Variants in NAV1 observed in about 807,000 individuals in gnomAD.
NAV1 encodes pore membrane and/or filament interacting like protein 3.
In NAV1, 18 loss-of-function variants were observed where a neutral mutation model predicts 175.2. That is an observed-to-expected ratio of 0.10 (90% CI 0.07 to 0.15). The LOEUF is 0.15. NAV1 is among the 10% of genes least tolerant of loss of function. The pLI, the probability that NAV1 is intolerant of heterozygous loss-of-function variation, is 1.00. For missense variants in NAV1, 1,731 were observed against 2,436.6 expected (o/e 0.71, Z 6.10); for synonymous variants, 897 against 978.7 (o/e 0.92, Z 1.56).
chr1:201,625,978 C>T (rs1434159104), intron 1 of NAV1, among the ~76,000 whole-genome samples: 2 of 152,198 alleles, frequency 1.3e-5, no homozygotes, highest in Non-Finnish European at 2.9e-5. Context: ...GACCCTGCCC[C>T]TTTCAGTCTC....
rs79279582 is a variant in NAV1, at chr1:201,574,432, G to A, written c.-143-14107G>A. Among the ~76,000 whole-genome samples the A allele has an allele frequency of 4.1e-3, 628 of 152,232 alleles. 2 individuals are homozygous for A. The highest frequency in any genetic ancestry group is 6.8e-3 in the Non-Finnish European group (463 of 68,022). ...TGTGGGAAAGCACCAGGCAGAAGGA[G>A]CAGCATGAACCCAGCACTCGGAGTC... On this transcript the variant is annotated intron_variant, in intron 1 of 33. Coordinates refer to the NAV1 transcript ENST00000685211.
At chr1:201,823,184 T>C (rs1176585434) in exon 30 of NAV1, 1 of 152,642 alleles carries the variant, frequency 6.6e-6, no homozygotes, top group Non-Finnish European at 1.5e-5. Flanking sequence ...GAATTCAATA[T>C]CTAATGTCAA....
chr1:201,771,573 G>C lies in NAV1; in HGVS notation c.1227-8848G>C, dbSNP rs1675594344. Reference sequence around the variant, plus strand: ...CCAAACCTGGCTCTATGACAGGCTAGACTGACTCAGCTCTCAATCCTAGCA... The same window carrying C: ...CCAAACCTGGCTCTATGACAGGCTACACTGACTCAGCTCTCAATCCTAGCA... On this transcript the variant is annotated intron_variant, in intron 3 of 29. Coordinates refer to ENST00000367296, the Ensembl canonical transcript of NAV1. Among the ~76,000 whole-genome samples the C allele has an allele frequency of 1.3e-5, 2 of 150,830 alleles. 1 individual carries two copies. The highest frequency in any genetic ancestry group is 1.3e-4 in the Admixed American group (2 of 15,146).
At chr1:201,761,483 T>G (rs556636310) in intron 3 of NAV1, among the ~76,000 whole-genome samples, 1 of 152,316 alleles carries the variant, frequency 6.6e-6, no homozygotes, top group African/African-American at 2.4e-5. Flanking sequence ...GTAGTATGAA[T>G]TTGGGGCCTG....
chr1:201,569,268 C>T (rs1200865216), intron 1 of NAV1, among the ~76,000 whole-genome samples: 1 of 152,188 alleles, frequency 6.6e-6, no homozygotes, highest in African/African-American at 2.4e-5. Context: ...TGCAAGTCAG[C>T]CTGGCCACCT....
intron 3 of NAV1, among the ~76,000 whole-genome samples, chr1:201,758,076 A>G (rs1674626392): frequency 6.6e-6 from 1 of 152,180 alleles, no homozygotes; most frequent in Non-Finnish European, 1.5e-5. Context: ...TGAGGGATTG[A>G]TGTTTTGGAT....
intron 3 of NAV1, among the ~76,000 whole-genome samples, chr1:201,761,077 C>T (rs1485369985): frequency 6.6e-6 from 1 of 152,102 alleles, no homozygotes; most frequent in East Asian, 1.9e-4. Context: ...TGCCCTCTAT[C>T]TTGACTCAGG....
At chr1:201,700,856 A>G (rs1671388758) in intron 1 of NAV1, among the ~76,000 whole-genome samples, 1 of 151,682 alleles carries the variant, frequency 6.6e-6, no homozygotes, top group East Asian at 1.9e-4. Context: ...ATAAAAATAC[A>G]AAAAATTAGC....
intron 9 of NAV1, among the ~76,000 whole-genome samples, 157 bp downstream of exon 13, chr1:201,786,734 T>G (rs1676776525): frequency 6.6e-6 from 1 of 152,136 alleles, no homozygotes; most frequent in Non-Finnish European, 1.5e-5. Context: ...AAAGTAAGAT[T>G]GAAGGTAGAG....
chr1:201,643,561 G>A (rs1668879855), upstream of NAV1, among the ~76,000 whole-genome samples: 1 of 151,756 alleles, frequency 6.6e-6, no homozygotes, highest in Admixed American at 6.6e-5. Flanking sequence ...ACAGACATGT[G>A]CCACTATCGC....
At chr1:201,607,746 C>T (rs1667727020) in intron 2 of NAV1, among the ~76,000 whole-genome samples, 1 of 152,224 alleles carries the variant, frequency 6.6e-6, no homozygotes, top group Admixed American at 6.5e-5. Flanking sequence ...CCCACCTCGG[C>T]CTCCCAAAGT....
intron 1 of NAV1, among the ~76,000 whole-genome samples, chr1:201,693,469 A>G (rs148773867): frequency 1.1e-3 from 164 of 152,292 alleles, no homozygotes; most frequent in African/African-American, 3.8e-3. Flanking sequence ...GAGGGTGTGG[A>G]TGGAGCTACA....
intron 3 of NAV1, among the ~76,000 whole-genome samples, chr1:201,733,958 G>T (rs1672978388): frequency 6.6e-6 from 1 of 152,200 alleles, no homozygotes; most frequent in Admixed American, 6.5e-5. Context: ...GTTTTGCAAA[G>T]GGTCTGTCTG....
intron 1 of NAV1, among the ~76,000 whole-genome samples, chr1:201,712,452 G>A (rs141521998): frequency 1.3e-5 from 2 of 152,334 alleles, no homozygotes; most frequent in Non-Finnish European, 2.9e-5. Flanking sequence ...TCAGGCAGAT[G>A]TTCCAGCTCA....
At chr1:201,792,445 AG>A (rs1295709089) in intron 13 of NAV1, 1 of 152,284 alleles carries the variant, frequency 6.6e-6, no homozygotes, top group East Asian at 1.9e-4. Flanking sequence ...GTTGGGATTA[AG>A]GGAAGGGTCA....
In NAV1 at chr1:201,812,367, T is replaced by C. The variant is rs1486322315; in HGVS notation, c.5025-98T>C. The C allele has an allele frequency of 1.6e-6, 2 of 1,217,886 alleles. No individual in the cohort carries two copies. The highest frequency in any genetic ancestry group is 3.0e-5 in the African/African-American group (2 of 67,192). 75.4% of individuals were successfully genotyped at this position (1,217,886 alleles called of 1,614,324 possible). A position where few individuals can be genotyped will look rare whatever the true frequency, so the allele number is the denominator to read the frequency against. ...TGAAAAGAAACCAAGTAGGCATTAG[T>C]GAGAAGCAGGCAGAAGGAGGGACAG... is the stretch of plus-strand genomic sequence containing the variant. On this transcript the variant is annotated intron_variant, in intron 26 of 29. Transcript: ENST00000367296. The surrounding 1 kb of genome is among the most constrained non-coding windows in gnomAD (Gnocchi z 4.6).
chr1:201,800,528 A>G (rs2102777875), intron 15 of NAV1, among the ~76,000 whole-genome samples: 1 of 152,326 alleles, frequency 6.6e-6, no homozygotes, highest in Admixed American at 6.5e-5. Flanking sequence ...AGAACTGAGG[A>G]GTTGTGACCA....
At chr1:201,638,798 A>G (rs1177245920) in intron 2 of NAV1, among the ~76,000 whole-genome samples, 1 of 152,232 alleles carries the variant, frequency 6.6e-6, no homozygotes, top group African/African-American at 2.4e-5. Flanking sequence ...GATGAACATT[A>G]CATGTCTAAG....
intron 1 of NAV1, among the ~76,000 whole-genome samples, chr1:201,551,194 G>A (rs961141381): frequency 2.8e-4 from 42 of 152,210 alleles, no homozygotes; most frequent in African/African-American, 1.0e-3. Context: ...ACACTCCAGG[G>A]TCATGTATAG....
Sources: gnomAD v4.1 joint callset for allele counts (sites outside exome capture counted in the v4.1 genomes callset) on GRCh38, gnomAD v4.1.1 for gene constraint, Gnocchi (gnomAD v3.1) non-coding constraint, MANE v1.5 for transcripts, NCBI Gene and HGNC (gene_info 2026-07-23, HGNC 2026-07-21) for gene names.